The following NUP85 variants were observed in gnomAD, a reference collection of about 807,000 sequenced individuals.
The protein encoded by NUP85 is nucleoporin 85.
Under a neutral mutation model 92.8 loss-of-function variants are expected in NUP85, and 23 were observed. The ratio of observed to expected loss-of-function variants is 0.25; its 90% confidence interval spans 0.18 to 0.35. NUP85 has a LOEUF of 0.35. Among genes scored for constraint, NUP85 ranks in the 10% least tolerant of loss-of-function variants. The pLI is 1.00. For synonymous variants in NUP85, 314 were observed against 306.9 expected, an observed-to-expected ratio of 1.02 and a Z score of -0.24; for missense variants, 759 against 822.8, an observed-to-expected ratio of 0.92 and a Z score of 0.95.
Position 75,231,952 on chromosome 17 carries a change from T to C in NUP85, c.1369T>C (p.Cys457Arg). 1.2e-6 allele frequency: 2 copies of C among 1,614,210 alleles called. No individual in the cohort carries two copies. Among genetic ancestry groups the C allele is most frequent in the Non-Finnish European group, 1.7e-6 (2 of 1,180,032 alleles). Residue 457 changes from cysteine (C) to arginine (R), a missense_variant, in exon 14 of 19, where the codon TGT (cysteine) becomes CGT (arginine). Cys to Arg is a radical substitution (Grantham distance 180). Coordinates refer to ENST00000245544, the MANE Select transcript of NUP85 (RefSeq NM_024844.5). This position sits in a 1 kb window ranked among gnomAD's most constrained non-coding sequence, Gnocchi z 4.6. ...GAAAGCCCTGAAGGTGCTGCGGATC[T>C]GTGAGCAGCGGCAGATGACTGAACA... ...EQKALKVLRI[C>R]EQRQMTEQVR...
intron 2 of NUP85, among the ~76,000 whole-genome samples, chr17:75,209,175 C>G (rs552325305): frequency 3.9e-5 from 6 of 152,218 alleles, no homozygotes; most frequent in African/African-American, 1.4e-4. Context: ...CTATCAGTAG[C>G]TCCCTTATTG....
chr17:75,229,009 G>A (rs568051707), intron 11 of NUP85: 1 of 985,476 alleles, frequency 1.0e-6, no homozygotes, highest in Admixed American at 6.1e-5. Flanking sequence ...TTCCTCTGAA[G>A]ACGGGCCAGT....
rs1259440776 is a variant in NUP85 at position 75,231,682 on chromosome 17, G to A, written c.1244+44G>A. The A allele has an allele frequency of 6.4e-7, 1 of 1,566,218 alleles. No individual in the cohort carries two copies. The highest frequency in any genetic ancestry group is 8.5e-7 in the Non-Finnish European group (1 of 1,173,738). ...GTGTGGGCTATGCGGGTGCTCTTCAGCATGCGGGTGCCATTGGAGCTTGGA... is the reference window on the plus strand; with the variant it reads ...GTGTGGGCTATGCGGGTGCTCTTCAACATGCGGGTGCCATTGGAGCTTGGA... On this transcript the variant is annotated intron_variant, in intron 13 of 18. Coordinates refer to ENST00000245544, the MANE Select transcript of NUP85 (RefSeq NM_024844.5). The surrounding 1 kb of genome is among the most constrained non-coding windows in gnomAD (Gnocchi z 4.6).
At chr17:75,221,915 T>C in intron 7 of NUP85, among the ~76,000 whole-genome samples, 1 of 152,144 alleles carries the variant, frequency 6.6e-6, no homozygotes, top group East Asian at 1.9e-4. Context: ...TGATGGGGTT[T>C]GCTGATGGAT....
chr17:75,209,478 G>A (rs1389205171), intron 2 of NUP85, among the ~76,000 whole-genome samples: 1 of 135,696 alleles, frequency 7.4e-6, no homozygotes, highest in Non-Finnish European at 1.5e-5. Context: ...ACGGAGTCTC[G>A]CTCTGTCCAG....
At chr17:75,232,747 C>T (rs1349287682) in intron 14 of NUP85, 104 bp from the exon 15 acceptor site, 5 of 952,364 alleles carry the variant, frequency 5.3e-6, no homozygotes, top group Admixed American at 1.7e-5. Context: ...AAGAGTGGCT[C>T]TGCGGTGGAG....
At chr17:75,228,365 C>T in intron 11 of NUP85, 1 of 985,362 alleles carries the variant, frequency 1.0e-6, no homozygotes, top group Non-Finnish European at 1.2e-6. Context: ...CTCTCACAAG[C>T]AGGAAGGGAT....
chr17:75,217,339 C>T (rs1477139270), intron 6 of NUP85, among the ~76,000 whole-genome samples: 3 of 151,298 alleles, frequency 2.0e-5, no homozygotes, highest in Non-Finnish European at 2.9e-5. Context: ...GGATTATAGG[C>T]GTGAGCCACC....
At position 75,226,219 on chromosome 17, in the gene NUP85, G is replaced by A. The variant is rs139275757; in HGVS notation, c.1094+62G>A. 1,068 of 1,382,616 alleles carry A rather than the reference G, an allele frequency of 7.7e-4. 5 individuals carry two copies. The African/African-American group carries it at 0.012, about 16-fold the overall frequency. The allele number at this position is 1,382,616 out of a possible 1,614,324, so 85.6% of individuals were successfully genotyped here. A position where few individuals can be genotyped will look rare whatever the true frequency, so the allele number is the denominator to read the frequency against. On this transcript the variant is annotated intron_variant, in intron 11 of 18. Transcript: ENST00000245544. ...AGGTGTACAAATATCACCACCTTGCGTTTCTAGAGTGGCCTGTTCCTTCCT... is the reference window on the plus strand; with the variant it reads ...AGGTGTACAAATATCACCACCTTGCATTTCTAGAGTGGCCTGTTCCTTCCT...
intron 2 of NUP85, 41 bp downstream of exon 2, chr17:75,208,661 T>A: frequency 8.7e-7 from 1 of 1,150,348 alleles, no homozygotes; most frequent in Non-Finnish European, 1.3e-6. Context: ...CTTGGCACAT[T>A]TGGTTGTTTT....
intron 14 of NUP85, 42 bp from the exon 15 acceptor site, chr17:75,232,809 T>G (rs1445600302): frequency 6.4e-7 from 1 of 1,564,560 alleles, no homozygotes; most frequent in Non-Finnish European, 8.8e-7. Context: ...TGGAGTGATT[T>G]GTGGAGTGAA....
intron 9 of NUP85, 106 bp from the exon 10 acceptor site, chr17:75,225,592 G>A (rs1034145267): frequency 1.3e-6 from 2 of 1,575,988 alleles, no homozygotes; most frequent in African/African-American, 1.3e-5. Context: ...GATGGCGAGA[G>A]CTTTCAGACT....
rs115095810 is a variant in NUP85, at chr17:75,221,812, A to G, written c.598-3291A>G. On this transcript the variant is annotated intron_variant, in intron 7 of 18. Transcript: ENST00000245544. ...CTGTCCTGGCTGCCATGTTGAGACTACAGCAAGGATGGAAACAGGCCAGTC... is the reference window on the plus strand; with the variant it reads ...CTGTCCTGGCTGCCATGTTGAGACTGCAGCAAGGATGGAAACAGGCCAGTC... Among the ~76,000 whole-genome samples the G allele has an allele frequency of 5.0e-3, 754 of 152,294 alleles. 13 individuals carry two copies. Among genetic ancestry groups the G allele is most frequent in the African/African-American group, 0.017 (725 of 41,554 alleles).
intron 7 of NUP85, among the ~76,000 whole-genome samples, chr17:75,223,772 T>C (rs147463020): frequency 2.9e-4 from 44 of 152,334 alleles, no homozygotes; most frequent in African/African-American, 1.1e-3. Flanking sequence ...TTTTATATTA[T>C]TTCATTTTAA....
chr17:75,228,628 C>T (rs947583860), intron 11 of NUP85: 2 of 985,362 alleles, frequency 2.0e-6, no homozygotes, highest in Non-Finnish European at 2.4e-6. Flanking sequence ...CAGTTCTGGG[C>T]GGCAGGGAAG....
chr17:75,231,553 T>G lies in NUP85; in HGVS notation c.1179-20T>G. 4 of 1,613,932 alleles carry G rather than the reference T, an allele frequency of 2.5e-6. No individual in the cohort carries two copies. The highest frequency in any genetic ancestry group is 3.4e-6 in the Non-Finnish European group (4 of 1,179,832). On this transcript the variant is annotated intron_variant, in intron 12 of 18. Coordinates refer to ENST00000245544, the MANE Select transcript of NUP85 (RefSeq NM_024844.5). This position sits in a 1 kb window ranked among gnomAD's most constrained non-coding sequence, Gnocchi z 4.6. ...CAGGGCAGGCCAGGAGTCTTGGTCT[T>G]TTGTTATGTTTTATTCCAGTTTCGG...
Position 75,225,354 on chromosome 17 carries a change from C to G in NUP85, c.745C>G (p.Gln249Glu), listed in dbSNP as rs577842829. ...GTCTCTCCCTTAGCCCGGGAACACC[C>G]AGACACTGACAGAGCTGGAGCTGAA... ...TMPILSPGNT[Q>E]TLTELELKWQ... The change falls in exon 9 of 19, where the codon CAG becomes GAG. Residue 249 changes from glutamine to glutamate, a missense_variant. Coordinates refer to ENST00000245544, the MANE Select transcript of NUP85 (RefSeq NM_024844.5). 13 of 1,614,220 alleles carry G rather than the reference C, an allele frequency of 8.1e-6. No individual in the cohort carries two copies. In the East Asian group the frequency reaches 2.9e-4, roughly 36 times the overall value.
In NUP85 at chr17:75,208,514, C is replaced by T; in HGVS notation, c.34-13C>T. 5.0e-6 allele frequency: 7 copies of T among 1,391,612 alleles called. No individual in the cohort carries two copies. The highest frequency in any genetic ancestry group is 1.4e-5 in the African/African-American group (1 of 69,818). The allele number at this position is 1,391,612 out of a possible 1,614,324, so 86.2% of individuals were successfully genotyped here. A position where few individuals can be genotyped will look rare whatever the true frequency, so the allele number is the denominator to read the frequency against. On this transcript the variant is annotated splice_polypyrimidine_tract_variant and intron_variant, in intron 1 of 18. Transcript: ENST00000245544. ...CATTTTTCATTTTAGATTTCTATGC[C>T]TTATTTTACTAGTTGATTCCAGGCG...
intron 6 of NUP85, among the ~76,000 whole-genome samples, chr17:75,217,629 C>A (rs538095214): frequency 4.1e-4 from 62 of 152,216 alleles, no homozygotes; most frequent in African/African-American, 1.4e-3. Context: ...GCCTTAGCCA[C>A]CTGAGTAGCT....
Sources: gnomAD v4.1 joint callset for allele counts (sites outside exome capture counted in the v4.1 genomes callset) on GRCh38, gnomAD v4.1.1 for gene constraint, Gnocchi (gnomAD v3.1) non-coding constraint, MANE v1.5 for transcripts, NCBI Gene and HGNC (gene_info 2026-07-23, HGNC 2026-07-21) for gene names.